The following HIVEP3 variants were observed in gnomAD, a reference collection of about 807,000 sequenced individuals.
HIVEP3 encodes HIVEP zinc finger 3.
A neutral mutation model predicts 152.8 loss-of-function variants in HIVEP3; 49 were observed. The ratio of observed to expected loss-of-function variants is 0.32; its 90% confidence interval spans 0.26 to 0.41. The LOEUF is 0.41. Among genes scored for constraint, HIVEP3 ranks in the 10% least tolerant of loss-of-function variants. HIVEP3 has a pLI of 1.00. For synonymous variants in HIVEP3, 1,269 were observed against 1,289.0 expected (o/e 0.98, Z 0.33); for missense variants, 2,790 against 3,103.3 (o/e 0.90, Z 2.40).
intron 1 of HIVEP3, among the ~76,000 whole-genome samples, chr1:41,908,226 T>C: frequency 6.6e-6 from 1 of 152,110 alleles, no homozygotes; most frequent in East Asian, 1.9e-4. Context: ...TAAAGTAGAA[T>C]TGTCAATGTG....
In HIVEP3 at chr1:41,662,669, C is replaced by T. The variant is rs1055386396; in HGVS notation, c.-720-33722G>A. On this transcript the variant is annotated intron_variant, in intron 2 of 8. Coordinates refer to ENST00000372583, the MANE Select transcript of HIVEP3 (RefSeq NM_024503.5). The surrounding 1 kb of genome is among the most constrained non-coding windows in gnomAD (Gnocchi z 7.2). The stretch of plus-strand genomic sequence containing the variant: ...CGGGGAGGGTCTGCGCGCCGGCCTC[C>T]TCGGTGACAGGCCGTGTCACTCCGG... 6.6e-6 allele frequency among the ~76,000 whole-genome samples: 1 copy of T among 151,716 alleles called. No homozygotes were observed. Among genetic ancestry groups the T allele is most frequent in the African/African-American group, 2.4e-5 (1 of 41,354 alleles).
At chr1:41,671,024 T>C (rs1455246740) in intron 2 of HIVEP3, among the ~76,000 whole-genome samples, 1 of 152,020 alleles carries the variant, frequency 6.6e-6, no homozygotes, top group Non-Finnish European at 1.5e-5. Flanking sequence ...GGGAAGAAAT[T>C]TTCCCTGATT....
chr1:41,737,050 C>T (rs1002733557), intron 1 of HIVEP3, among the ~76,000 whole-genome samples: 3 of 152,154 alleles, frequency 2.0e-5, no homozygotes, highest in South Asian at 2.1e-4. Context: ...AGGTCTTCTC[C>T]GCCCTTTCCT....
Position 41,628,895 on chromosome 1 carries a change from C to G in HIVEP3, c.-668G>C. The G allele has an allele frequency of 8.1e-7, 1 of 1,231,798 alleles. No individual in the cohort carries two copies. The highest frequency in any genetic ancestry group is 1.0e-6 in the Non-Finnish European group (1 of 987,872). 76.3% of individuals were successfully genotyped at this position (1,231,798 alleles called of 1,614,324 possible). ...GGGCGGGCTTGCTTGGCCAGGACCC[C>G]GCGAGGCTCCTCCATGAACTAGGTT... is the stretch of plus-strand genomic sequence containing the variant. On this transcript the variant is annotated 5_prime_UTR_variant, in exon 3 of 9. Transcript: ENST00000372583.
intron 1 of HIVEP3, among the ~76,000 whole-genome samples, chr1:41,707,911 T>C (rs1646458162): frequency 6.6e-6 from 1 of 152,258 alleles, no homozygotes; most frequent in Admixed American, 6.5e-5. Context: ...AGCCGAACCC[T>C]GGCCTGTCAG....
chr1:41,813,494 T>A (rs779680474), intron 1 of HIVEP3, among the ~76,000 whole-genome samples: 12 of 151,974 alleles, frequency 7.9e-5, no homozygotes, highest in African/African-American at 1.5e-4. Context: ...TGCACCCACA[T>A]ACCGCCTTGC....
At chr1:41,865,075 C>T (rs1643944375) in intron 1 of HIVEP3, among the ~76,000 whole-genome samples, 1 of 152,184 alleles carries the variant, frequency 6.6e-6, no homozygotes, top group Admixed American at 6.5e-5. Flanking sequence ...GACTTGACCC[C>T]ATTAGGTGGT....
upstream of HIVEP3, among the ~76,000 whole-genome samples, chr1:41,922,765 A>G (rs1433433991): frequency 1.3e-5 from 2 of 152,006 alleles, no homozygotes; most frequent in African/African-American, 2.4e-5. Context: ...GAAAATCTCA[A>G]TGGAAACAGG....
chr1:41,545,762 CACT>C (rs1365978732), intron 5 of HIVEP3, among the ~76,000 whole-genome samples: 1 of 149,106 alleles, frequency 6.7e-6, no homozygotes, highest in Non-Finnish European at 1.5e-5. Context: ...CCACCACCAC[CACT>C]ACCATCACCA....
chr1:41,806,852 G>A (rs944904370), intron 1 of HIVEP3, among the ~76,000 whole-genome samples: 14 of 152,100 alleles, frequency 9.2e-5, no homozygotes, highest in Non-Finnish European at 5.9e-5. Context: ...CCCAAGAGAG[G>A]TCAAGACGAC....
At chr1:41,671,526 GT>G (rs1449676855) in intron 2 of HIVEP3, among the ~76,000 whole-genome samples, 2 of 152,234 alleles carry the variant, frequency 1.3e-5, no homozygotes, top group Non-Finnish European at 2.9e-5. Context: ...TGGCCATCCT[GT>G]GTCCTCCTAG....
chr1:41,522,415 G>A (rs1012052869), intron 6 of HIVEP3, among the ~76,000 whole-genome samples: 13 of 152,248 alleles, frequency 8.5e-5, no homozygotes, highest in African/African-American at 2.9e-4. Context: ...GGTTCTGGAA[G>A]GTTCTAGTCT....
At chr1:41,801,001 A>G (rs1340448916) in intron 1 of HIVEP3, among the ~76,000 whole-genome samples, 1 of 152,232 alleles carries the variant, frequency 6.6e-6, no homozygotes, top group Non-Finnish European at 1.5e-5. Context: ...AATTAATGCT[A>G]TCTTTTACCC....
At chr1:41,691,059 T>C (rs930269148) in intron 2 of HIVEP3, among the ~76,000 whole-genome samples, 11 of 152,224 alleles carry the variant, frequency 7.2e-5, no homozygotes, top group African/African-American at 2.2e-4. Context: ...AAAATGGGGA[T>C]AATACTAGAG....
At chr1:41,705,633 G>A (rs1393033577) in intron 1 of HIVEP3, among the ~76,000 whole-genome samples, 3 of 152,212 alleles carry the variant, frequency 2.0e-5, no homozygotes, top group Admixed American at 6.5e-5. Context: ...ACACTGCCCG[G>A]CGCTCACAGG....
chr1:41,901,421 G>T lies in HIVEP3; in HGVS notation c.-801+16992C>A, dbSNP rs146011680. Among the ~76,000 whole-genome samples, 33 of 152,184 alleles carry T rather than the reference G, an allele frequency of 2.2e-4. No individual in the cohort carries two copies. The East Asian group carries it at 6.4e-3, about 29-fold the overall frequency. On this transcript the variant is annotated intron_variant, in intron 1 of 8. Transcript: ENST00000372583. The stretch of plus-strand genomic sequence containing the variant: ...GGGGACGTGACACCTTCACCTAGGG[G>T]AAGACTACATTGTAAGAAGAGAAAT...
chr1:41,854,682 A>C (rs1224739882), intron 1 of HIVEP3, among the ~76,000 whole-genome samples: 3 of 65,706 alleles, frequency 4.6e-5, no homozygotes. Context: ...CCCTCCCCCG[A>C]CCCCACCACA....
At chr1:41,865,342 C>T (rs993174429) in intron 1 of HIVEP3, among the ~76,000 whole-genome samples, 3 of 152,158 alleles carry the variant, frequency 2.0e-5, no homozygotes, top group Non-Finnish European at 2.9e-5. Flanking sequence ...CTGTCAAATG[C>T]CATTTGCCAC....
At chr1:41,933,061 A>G (rs1260431845) in intron 1 of HIVEP3, among the ~76,000 whole-genome samples, 1 of 151,916 alleles carries the variant, frequency 6.6e-6, no homozygotes, top group African/African-American at 2.4e-5. Flanking sequence ...CTAGTCTTTT[A>G]AGGTTGTTAA....
Sources: allele counts gnomAD v4.1 joint callset (sites outside exome capture counted in the v4.1 genomes callset), GRCh38; gene constraint gnomAD v4.1.1; non-coding constraint Gnocchi (gnomAD v3.1); transcripts MANE v1.5; gene names NCBI Gene and HGNC (gene_info 2026-07-23, HGNC 2026-07-21).